OTUD6B: variants seen among roughly 807,000 people sequenced by gnomAD.
OTUD6B encodes the protein OTU deubiquitinase 6B.
Under a neutral mutation model 36.9 loss-of-function variants are expected in OTUD6B, and 41 were observed. The ratio of observed to expected loss-of-function variants is 1.11; its 90% confidence interval spans 0.87 to 1.44. The LOEUF (loss-of-function observed/expected upper bound fraction) is 1.44, where lower values mean the gene tolerates loss of function less well. Ranked by LOEUF, OTUD6B falls within the 40% of genes most tolerant of loss-of-function variation. The probability of loss-of-function intolerance (pLI) is 0.00; values close to 1 mark genes in which losing one functional copy is unlikely to be tolerated. For synonymous variants in OTUD6B, 114 were observed against 114.2 expected (o/e 1.00, Z 0.01); for missense variants, 356 against 344.8 (o/e 1.03, Z -0.26).
Position 91,071,298 on chromosome 8 carries a change from A to G in OTUD6B, c.234+9A>G. 1.9e-6 allele frequency: 3 copies of G among 1,602,250 alleles called. No individual in the cohort carries two copies. Among genetic ancestry groups the G allele is most frequent in the Non-Finnish European group, 2.6e-6 (3 of 1,175,516 alleles). Reference sequence around the variant, plus strand: ...CTACTAAGGAGAATAAGGTATGTGAAATAAATGTTTGTCGTTGCCTACACC... The same window carrying G: ...CTACTAAGGAGAATAAGGTATGTGAGATAAATGTTTGTCGTTGCCTACACC... On this transcript the variant is annotated intron_variant, in intron 2 of 6. Transcript: ENST00000404789.
chr8:91,078,697 T>C (rs1481391148), intron 4 of OTUD6B, 29 bp downstream of exon 4: 2 of 1,432,290 alleles, frequency 1.4e-6, no homozygotes, highest in South Asian at 2.7e-5. Context: ...CTATGTTTTA[T>C]TGTTGCTTTG....
intron 5 of OTUD6B, among the ~76,000 whole-genome samples, chr8:91,083,343 T>C (rs1812944389): frequency 6.6e-6 from 1 of 152,196 alleles, no homozygotes; most frequent in East Asian, 1.9e-4. Flanking sequence ...AAATTTTTTT[T>C]GTTATGAACA....
At chr8:91,076,340 A>T in intron 3 of OTUD6B, 1 of 389,898 alleles carries the variant, frequency 2.6e-6, no homozygotes, top group Non-Finnish European at 3.5e-6. Flanking sequence ...CAAAGTGCCT[A>T]GTGCTCTTGG....
At chr8:91,076,505 A>G (rs1024366551) in intron 3 of OTUD6B, 16 of 1,515,890 alleles carry the variant, frequency 1.1e-5, no homozygotes, top group Admixed American at 5.9e-5. Context: ...AGTTTTGCAG[A>G]TAAGATAAAG....
chr8:91,078,300 A>G, intron 3 of OTUD6B, 56 bp from the exon 4 acceptor site: 1 of 1,474,800 alleles, frequency 6.8e-7, no homozygotes, highest in Admixed American at 2.7e-5. Flanking sequence ...CCCTTAATAA[A>G]TGAGAATTAG....
rs200911731 is a variant in OTUD6B at position 91,080,696 on chromosome 8, T to C, written c.656T>C (p.Ile219Thr). The change falls in exon 5 of 7, where the codon ATT (isoleucine) becomes ACT (threonine). Residue 219 changes from isoleucine (I) to threonine (T), a missense_variant. By Grantham distance (89) the Ile-to-Thr change is moderately conservative (BLOSUM62 -1). Transcript: ENST00000404789. The part of the protein sequence containing the change: ...PEEFQKYCED[I>T]VNTAAWGGQL... Reference sequence around the variant, plus strand: ...GAATTTCAGAAGTACTGTGAAGATATTGTAAACACAGCTGCATGGGGAGGT... The same window carrying C: ...GAATTTCAGAAGTACTGTGAAGATACTGTAAACACAGCTGCATGGGGAGGT... 1.4e-5 allele frequency: 22 copies of C among 1,604,392 alleles called. No individual in the cohort carries two copies. The highest frequency in any genetic ancestry group is 2.2e-5 in the South Asian group (2 of 89,116).
chr8:91,078,587 A>G lies in OTUD6B; in HGVS notation c.547A>G (p.Thr183Ala). The change falls in exon 4 of 7, where the codon ACC becomes GCC. Residue 183 changes from threonine to alanine, a missense_variant. By Grantham distance (58) the Thr-to-Ala change is moderately conservative. Coordinates refer to ENST00000404789, the MANE Select transcript of OTUD6B (RefSeq NM_016023.5). ...GACTGTGGTTGCCTTGAGAAGTCAG[A>G]CCGCTGAGTATATGCAAAGCCATGT... ...ALTVVALRSQ[T>A]AEYMQSHVED... is the part of the protein sequence containing the mutation. 6.2e-7 allele frequency: 1 copy of G among 1,604,670 alleles called. No homozygotes were observed. The highest frequency in any genetic ancestry group is 8.5e-7 in the Non-Finnish European group (1 of 1,175,046).
chr8:91,070,615 C>A, intron 1 of OTUD6B, 149 bp downstream of exon 1: 1 of 729,092 alleles, frequency 1.4e-6, no homozygotes, highest in Non-Finnish European at 2.2e-6. Context: ...TCTTCACCTA[C>A]CCCGGCGGCC....
chr8:91,081,894 A>T (rs1308157181), intron 5 of OTUD6B, among the ~76,000 whole-genome samples: 1 of 152,194 alleles, frequency 6.6e-6, no homozygotes, highest in African/African-American at 2.4e-5. Context: ...TGTTACTACT[A>T]CATTAGGAAT....
chr8:91,082,249 T>G (rs552916865), intron 5 of OTUD6B, among the ~76,000 whole-genome samples: 1 of 152,294 alleles, frequency 6.6e-6, no homozygotes, highest in South Asian at 2.1e-4. Flanking sequence ...AGCAGAGTGC[T>G]TTCCATATTT....
chr8:91,074,013 A>G, intron 3 of OTUD6B, 102 bp downstream of exon 3: 2 of 721,734 alleles, frequency 2.8e-6, no homozygotes, highest in Non-Finnish European at 4.5e-6. Flanking sequence ...TGAAAAAAAA[A>G]TGATGCAGTT....
At chr8:91,072,343 T>C (rs931281688) in intron 2 of OTUD6B, among the ~76,000 whole-genome samples, 2 of 152,164 alleles carry the variant, frequency 1.3e-5, no homozygotes, top group African/African-American at 4.8e-5. Flanking sequence ...ATGAGAACTA[T>C]CTTACTCCAG....
chr8:91,082,676 G>T (rs953480550), intron 5 of OTUD6B, among the ~76,000 whole-genome samples: 2 of 148,370 alleles, frequency 1.3e-5, no homozygotes, highest in African/African-American at 5.0e-5. Context: ...ATCCCATAAA[G>T]TTATTGAGAG....
At position 91,070,455 on chromosome 8, in the gene OTUD6B, A is replaced by AGGAGTTGCAAGGTGAGGCGGAAGGAAGTG; in HGVS notation, c.75_82+21dup. On this transcript the variant is annotated frameshift_variant, in exon 1 of 7. Coordinates refer to ENST00000404789, the MANE Select transcript of OTUD6B (RefSeq NM_016023.5). LOFTEE classifies it high-confidence loss of function. ...CTGAGAAGGCATCGCAAAGAGAAGA[A>AGGAGTTGCAAGGTGAGGCGGAAGGAAGTG]GGAGTTGCAAGGTGAGGCGGAAGGA... 6.4e-7 allele frequency: 1 copy of AGGAGTTGCAAGGTGAGGCGGAAGGAAGTG among 1,569,428 alleles called. No individual in the cohort carries two copies. The highest frequency in any genetic ancestry group is 8.6e-7 in the Non-Finnish European group (1 of 1,156,878).
chr8:91,080,164 T>C (rs558228614), intron 4 of OTUD6B, among the ~76,000 whole-genome samples: 1 of 152,262 alleles, frequency 6.6e-6, no homozygotes, highest in East Asian at 1.9e-4. Flanking sequence ...AAATAACAAG[T>C]GGAGGCACTG....
At chr8:91,084,179 A>C (rs941070996) in intron 6 of OTUD6B, 65 bp downstream of exon 6, 1 of 948,196 alleles carries the variant, frequency 1.1e-6, no homozygotes, top group East Asian at 2.7e-5. Context: ...ATATTAAAAA[A>C]TTTAGATTAT....
At chr8:91,076,718 A>G (rs996563005) in intron 3 of OTUD6B, 14 of 1,052,864 alleles carry the variant, frequency 1.3e-5, no homozygotes, top group Middle Eastern at 3.9e-4. Flanking sequence ...GTTTTGGATT[A>G]GATGATATCT....
intron 6 of OTUD6B, 29 bp from the exon 7 acceptor site, chr8:91,084,752 AACT>A (rs750539345): frequency 2.2e-5 from 31 of 1,439,308 alleles, no homozygotes; most frequent in African/African-American, 1.5e-4. Context: ...CTTTCATCAA[AACT>A]ACTCATTTCT....
At chr8:91,078,164 C>A in intron 3 of OTUD6B, 192 bp from the exon 4 acceptor site, 1 of 746,690 alleles carries the variant, frequency 1.3e-6, no homozygotes, top group Non-Finnish European at 1.6e-6. Context: ...GTGCTGGAAA[C>A]ACACAGATGA....
Sources: allele counts gnomAD v4.1 joint callset (sites outside exome capture counted in the v4.1 genomes callset), GRCh38; gene constraint gnomAD v4.1.1; transcripts MANE v1.5; gene names NCBI Gene and HGNC (gene_info 2026-07-23, HGNC 2026-07-21).